MYO7B: variants seen among roughly 807,000 people sequenced by gnomAD.
MYO7B encodes the protein myosin VIIB.
In MYO7B, 212 loss-of-function variants were observed where a neutral mutation model predicts 259.7. The observed-to-expected ratio is 0.82, with a 90% CI of 0.73 to 0.91. The LOEUF is 0.91. MYO7B is among the 40% of genes least tolerant of loss of function. The pLI, the probability that MYO7B is intolerant of heterozygous loss-of-function variation, is 0.00. For missense variants in MYO7B, 2,732 were observed against 2,813.5 expected (o/e 0.97, Z 0.66); for synonymous variants, 1,197 against 1,166.4 (o/e 1.03, Z -0.54).
Position 127,613,986 on chromosome 2 carries a change from T to C in MYO7B, c.3398+1383T>C, listed in dbSNP as rs535789575. ...TGTGGGTACCCTAAACTCTCTCCTC[T>C]GGTTCTTCAAGCCAGTAAGACTACA... On this transcript the variant is annotated intron_variant, in intron 26 of 47. Coordinates refer to ENST00000409816, the MANE Select transcript of MYO7B (RefSeq NM_001393586.1). The surrounding 1 kb of genome is among the most constrained non-coding windows in gnomAD (Gnocchi z 4.3). 6.6e-6 allele frequency among the ~76,000 whole-genome samples: 1 copy of C among 152,286 alleles called. No individual in the cohort carries two copies. The highest frequency in any genetic ancestry group is 2.1e-4 in the South Asian group (1 of 4,820).
Position 127,576,694 on chromosome 2 carries a change from CACT to C in MYO7B, c.838_840del (p.Tyr280del). On this transcript the variant is annotated inframe_deletion, in exon 8 of 48. Transcript: ENST00000409816. The surrounding 1 kb of genome is among the most constrained non-coding windows in gnomAD (Gnocchi z 4.9). ...GAGCCTGGGCACGCCCTCCGAGTAC[CACT>C]ACCTGACCATGGTGAGCTGCCCACC... 1 of 1,603,948 alleles carries C rather than the reference CACT, an allele frequency of 6.2e-7. No homozygotes were observed. The highest frequency in any genetic ancestry group is 1.1e-5 in the South Asian group (1 of 90,596).
intron 19 of MYO7B, among the ~76,000 whole-genome samples, chr2:127,605,228 C>A (rs887979442): frequency 1.3e-5 from 2 of 152,146 alleles, no homozygotes; most frequent in East Asian, 1.9e-4. Flanking sequence ...AATAAAAATG[C>A]GGAAGTAAGT....
At position 127,633,308 on chromosome 2, in the gene MYO7B, A is replaced by G; in HGVS notation, c.5456A>G (p.Glu1819Gly). The G allele has an allele frequency of 6.2e-7, 1 of 1,612,762 alleles. No homozygotes were observed. Among genetic ancestry groups the G allele is most frequent in the Non-Finnish European group, 8.5e-7 (1 of 1,179,780 alleles). Reference sequence around the variant, plus strand: ...CACCAGGTGGAGGTGGAGGCCGCAGAGCAGAACGTCTCCCGCATCTGCCAC... The same window carrying G: ...CACCAGGTGGAGGTGGAGGCCGCAGGGCAGAACGTCTCCCGCATCTGCCAC... Reference protein sequence around the residue: ...PPHQVEVEAAEQNVSRICHKI... With the variant: ...PPHQVEVEAAGQNVSRICHKI... Residue 1819 changes from glutamate to glycine, a missense_variant, in exon 40 of 48, where the codon GAG becomes GGG. Glu to Gly is a moderately conservative substitution (Grantham distance 98, BLOSUM62 -2). This residue lies in a region of MYO7B where 821 missense variants were observed against 769.3 expected (regional missense o/e 1.07). Transcript: ENST00000409816.
intron 6 of MYO7B, among the ~76,000 whole-genome samples, chr2:127,573,103 G>A (rs1395127341): frequency 5.9e-5 from 9 of 152,120 alleles, no homozygotes; most frequent in South Asian, 2.1e-4. Context: ...ACAGGGTGCC[G>A]TGTTTCCTAA....
At chr2:127,632,949 C>T (rs964275057) in intron 39 of MYO7B, among the ~76,000 whole-genome samples, 14 of 152,208 alleles carry the variant, frequency 9.2e-5, no homozygotes, top group Admixed American at 7.9e-4. Context: ...GGCCCCTGCC[C>T]GATGCCCCTG....
chr2:127,584,449 C>A lies in MYO7B; in HGVS notation c.1554+117C>A. On this transcript the variant is annotated intron_variant, in intron 13 of 47. Transcript: ENST00000409816. The surrounding 1 kb of genome is among the most constrained non-coding windows in gnomAD (Gnocchi z 5.8). ...TTCTGAGAGTCACTAAAACCTCTGC[C>A]AGGAATAAGCAGAAGAGCCTCAGTC... 9.0e-7 allele frequency: 1 copy of A among 1,109,366 alleles called. No individual in the cohort carries two copies. Among genetic ancestry groups the A allele is most frequent in the Non-Finnish European group, 1.3e-6 (1 of 777,790 alleles). The allele number at this position is 1,109,366 out of a possible 1,614,324, so 68.7% of individuals were successfully genotyped here.
chr2:127,575,070 G>T (rs567863303), intron 7 of MYO7B, among the ~76,000 whole-genome samples: 15 of 152,312 alleles, frequency 9.8e-5, no homozygotes, highest in Non-Finnish European at 1.5e-4. Context: ...CAACAGAGGG[G>T]CTGTGGCTGT....
rs569099789 is a variant in MYO7B at position 127,627,493 on chromosome 2, G to A, written c.4460+183G>A. 6.0e-5 allele frequency: 51 copies of A among 845,796 alleles called. No homozygotes were observed. The highest frequency in any genetic ancestry group is 2.0e-4 in the South Asian group (14 of 69,624). 52.4% of individuals were successfully genotyped at this position (845,796 alleles called of 1,614,324 possible). ...GAGCCCCACCCTCCTGCACCAGGCC[G>A]TACTGCCCATGAAGTACTCCATTGG... is the stretch of plus-strand genomic sequence containing the variant. On this transcript the variant is annotated intron_variant, in intron 33 of 47. Transcript: ENST00000409816. The surrounding 1 kb of genome is among the most constrained non-coding windows in gnomAD (Gnocchi z 5.6).
Position 127,636,233 on chromosome 2 carries a change from A to C in MYO7B, c.6032A>C (p.His2011Pro). 1 of 1,613,480 alleles carries C rather than the reference A, an allele frequency of 6.2e-7. No homozygotes were observed. Among genetic ancestry groups the C allele is most frequent in the Non-Finnish European group, 8.5e-7 (1 of 1,179,702 alleles). The change falls in exon 45 of 48, where the codon CAT becomes CCT. Residue 2011 changes from histidine to proline, a missense_variant. By Grantham distance (77) the His-to-Pro change is moderately conservative (BLOSUM62 -2). Coordinates refer to ENST00000409816, the MANE Select transcript of MYO7B (RefSeq NM_001393586.1). The surrounding 1 kb of genome is among the most constrained non-coding windows in gnomAD (Gnocchi z 4.5). Reference protein sequence around the residue: ...KKSILLAYDKHKDKTVEEAKV... With the variant: ...KKSILLAYDKPKDKTVEEAKV... ...AGCATCCTTCTAGCCTATGACAAGCATAAGGACAAGACAGTGGAGGAGGCC... is the reference window on the plus strand; with the variant it reads ...AGCATCCTTCTAGCCTATGACAAGCCTAAGGACAAGACAGTGGAGGAGGCC...
rs747100964 is a variant in MYO7B at position 127,566,745 on chromosome 2, C to G, written c.388C>G (p.Leu130Val). The change falls in exon 5 of 48, where the codon CTG (leucine) becomes GTG (valine). Residue 130 changes from leucine (L) to valine (V), a missense_variant. By Grantham distance (32) the Leu-to-Val change is conservative. Transcript: ENST00000409816. ...CTACTACAGCCGCCATATGGGCGAGCTGCCCCCGCATGTCTTTGCCATCGC... is the reference window on the plus strand; with the variant it reads ...CTACTACAGCCGCCATATGGGCGAGGTGCCCCCGCATGTCTTTGCCATCGC... ...QLYYSRHMGE[L>V]PPHVFAIANN... is the part of the protein sequence containing the mutation. 2.5e-6 allele frequency: 4 copies of G among 1,612,876 alleles called. No homozygotes were observed. The South Asian group carries it at 4.4e-5, about 18-fold the overall frequency.
At position 127,628,674 on chromosome 2, in the gene MYO7B, G is replaced by T; in HGVS notation, c.4624+139G>T. ...GGGAGGGAAGGCCCCAAAGCTCTGT[G>T]GGGGCAGCTTTAGGCAAGGCCCTGC... On this transcript the variant is annotated intron_variant, in intron 34 of 47. Coordinates refer to ENST00000409816, the MANE Select transcript of MYO7B (RefSeq NM_001393586.1). This position sits in a 1 kb window ranked among gnomAD's most constrained non-coding sequence, Gnocchi z 4.8. The T allele has an allele frequency of 1.1e-6, 1 of 947,048 alleles. No homozygotes were observed. The highest frequency in any genetic ancestry group is 1.6e-6 in the Non-Finnish European group (1 of 644,560). 58.7% of individuals were successfully genotyped at this position (947,048 alleles called of 1,614,324 possible).
At chr2:127,606,013 T>C (rs1433647702) in intron 20 of MYO7B, 85 bp downstream of exon 20, 2 of 1,109,392 alleles carry the variant, frequency 1.8e-6, no homozygotes, top group Non-Finnish European at 2.7e-6. Flanking sequence ...TTTGTTTCTC[T>C]GAATGAGAGA....
rs1680182435 is a variant in MYO7B at position 127,607,121 on chromosome 2, T to C, written c.2425-85T>C. 2 of 1,289,600 alleles carry C rather than the reference T, an allele frequency of 1.6e-6. No individual in the cohort carries two copies. The highest frequency in any genetic ancestry group is 2.1e-6 in the Non-Finnish European group (2 of 941,918). The allele number at this position is 1,289,600 out of a possible 1,614,324, so 79.9% of individuals were successfully genotyped here. A position where few individuals can be genotyped will look rare whatever the true frequency, so the allele number is the denominator to read the frequency against. On this transcript the variant is annotated intron_variant, in intron 20 of 47. Coordinates refer to ENST00000409816, the MANE Select transcript of MYO7B (RefSeq NM_001393586.1). This position sits in a 1 kb window ranked among gnomAD's most constrained non-coding sequence, Gnocchi z 4.4. ...AACAAAACTAACTGTAAATCTATCT[T>C]GCACTGCCTCCTGGGGAGCACCCCT...
chr2:127,576,750 G>A lies in MYO7B; in HGVS notation c.849+42G>A, dbSNP rs763759348. 7.2e-6 allele frequency: 10 copies of A among 1,382,842 alleles called. No homozygotes were observed. The highest frequency in any genetic ancestry group is 3.7e-4 in the Middle Eastern group (2 of 5,474). The allele number at this position is 1,382,842 out of a possible 1,614,324, so 85.7% of individuals were successfully genotyped here. A position where few individuals can be genotyped will look rare whatever the true frequency, so the allele number is the denominator to read the frequency against. On this transcript the variant is annotated intron_variant, in intron 8 of 47. Coordinates refer to ENST00000409816, the MANE Select transcript of MYO7B (RefSeq NM_001393586.1). This position sits in a 1 kb window ranked among gnomAD's most constrained non-coding sequence, Gnocchi z 4.9. ...CCGCCTCCCAGTAGCCAGTGGAAGGGAGGAAAAAGAGCTTGTGCCGCTCCA... is the reference window on the plus strand; with the variant it reads ...CCGCCTCCCAGTAGCCAGTGGAAGGAAGGAAAAAGAGCTTGTGCCGCTCCA...
intron 17 of MYO7B, 34 bp downstream of exon 17, chr2:127,592,980 A>G: frequency 6.5e-7 from 1 of 1,529,262 alleles, no homozygotes; most frequent in Non-Finnish European, 8.8e-7. Flanking sequence ...ACCTCTGGCC[A>G]TCCGCGGCCT....
At position 127,636,972 on chromosome 2, in the gene MYO7B, G is replaced by A; in HGVS notation, c.6327+59G>A. 6.3e-7 allele frequency: 1 copy of A among 1,597,756 alleles called. No individual in the cohort carries two copies. Among genetic ancestry groups the A allele is most frequent in the East Asian group, 2.2e-5 (1 of 44,692 alleles). Reference sequence around the variant, plus strand: ...ATAGGACAGAGCTGCTGGAGACTGGGTTCCCCACCCTCACCCCTTTCAAGT... The same window carrying A: ...ATAGGACAGAGCTGCTGGAGACTGGATTCCCCACCCTCACCCCTTTCAAGT... On this transcript the variant is annotated intron_variant, in intron 47 of 47. Transcript: ENST00000409816. This position sits in a 1 kb window ranked among gnomAD's most constrained non-coding sequence, Gnocchi z 4.5.
chr2:127,577,762 GC>G lies in MYO7B; in HGVS notation c.850-365del. 6.6e-6 allele frequency among the ~76,000 whole-genome samples: 1 copy of G among 152,216 alleles called. No individual in the cohort carries two copies. The highest frequency in any genetic ancestry group is 1.9e-4 in the East Asian group (1 of 5,198). On this transcript the variant is annotated intron_variant, in intron 8 of 47. Coordinates refer to ENST00000409816, the MANE Select transcript of MYO7B (RefSeq NM_001393586.1). This position sits in a 1 kb window ranked among gnomAD's most constrained non-coding sequence, Gnocchi z 5.2. The stretch of plus-strand genomic sequence containing the variant: ...TGGCACGGTCACTGGCTCCCTGCCT[GC>G]CCCCCTGGATGCGCAGCACAGGGCC...
chr2:127,598,019 G>C (rs1418161307), intron 19 of MYO7B, among the ~76,000 whole-genome samples: 1 of 152,194 alleles, frequency 6.6e-6, no homozygotes, highest in Non-Finnish European at 1.5e-5. Context: ...ACCTGTAGAA[G>C]GACATCTGGG....
At chr2:127,583,793 G>A (rs1220164682) in intron 12 of MYO7B, among the ~76,000 whole-genome samples, 1 of 152,190 alleles carries the variant, frequency 6.6e-6, no homozygotes, top group Non-Finnish European at 1.5e-5. Flanking sequence ...CAGACCACAA[G>A]AATTGTTTCA....
Sources: gnomAD v4.1 joint callset for allele counts (sites outside exome capture counted in the v4.1 genomes callset) on GRCh38, gnomAD v4.1.1 for gene constraint, gnomAD v4.1.1 regional missense constraint, Gnocchi (gnomAD v3.1) non-coding constraint, MANE v1.5 for transcripts, NCBI Gene and HGNC (gene_info 2026-07-23, HGNC 2026-07-21) for gene names.